The following PIP5K1B variants were observed in gnomAD, a reference collection of about 807,000 sequenced individuals.
PIP5K1B encodes phosphatidylinositol-4-phosphate 5-kinase type 1 beta.
PIP5K1B carries 42 observed loss-of-function variants against 67.0 expected under a neutral mutation model. The observed-to-expected ratio is 0.63, with a 90% CI of 0.49 to 0.81. The LOEUF (loss-of-function observed/expected upper bound fraction) is 0.81, where lower values mean the gene tolerates loss of function less well. PIP5K1B is among the 30% of genes least tolerant of loss of function. PIP5K1B has a pLI of 0.00. For missense variants in PIP5K1B, 459 were observed against 646.3 expected (o/e 0.71, Z 3.14); for synonymous variants, 214 against 231.4 (o/e 0.92, Z 0.68).
intron 15 of PIP5K1B, among the ~76,000 whole-genome samples, chr9:69,002,947 C>T (rs1183305860): frequency 2.0e-5 from 3 of 152,158 alleles, no homozygotes; most frequent in African/African-American, 4.8e-5. Context: ...CATGCTGTTG[C>T]TCTCCAGCCT....
intron 1 of PIP5K1B, chr9:68,708,130 T>A (rs773417315): frequency 6.6e-6 from 1 of 152,194 alleles, no homozygotes; most frequent in Non-Finnish European, 1.5e-5. Context: ...TAGCTTAACA[T>A]CTACAGTATA....
chr9:68,780,094 G>GTA, intron 2 of PIP5K1B: 15 of 1,337,282 alleles, frequency 1.1e-5, no homozygotes, highest in South Asian at 4.7e-5. Flanking sequence ...CAGCGGCGGC[G>GTA]GCCCTGGACT....
At chr9:68,950,397 C>A (rs1023740504) in intron 14 of PIP5K1B, among the ~76,000 whole-genome samples, 4 of 152,172 alleles carry the variant, frequency 2.6e-5, no homozygotes, top group Non-Finnish European at 5.9e-5. Context: ...ATGCAAATTT[C>A]GTCTCACCCT....
At chr9:68,872,604 T>C (rs1287882268) in intron 5 of PIP5K1B, among the ~76,000 whole-genome samples, 2 of 152,256 alleles carry the variant, frequency 1.3e-5, no homozygotes, top group African/African-American at 4.8e-5. Flanking sequence ...AGAGTTCCTT[T>C]TGTCCCTGTG....
At chr9:68,791,991 C>T (rs1358661929) in intron 2 of PIP5K1B, among the ~76,000 whole-genome samples, 1 of 152,042 alleles carries the variant, frequency 6.6e-6, no homozygotes, top group African/African-American at 2.4e-5. Context: ...CTCCTTCCTC[C>T]ACAACCCCTG....
chr9:68,891,735 A>G (rs78767459), intron 7 of PIP5K1B, among the ~76,000 whole-genome samples: 2,430 of 152,286 alleles, frequency 0.016, 62 homozygotes, highest in African/African-American at 0.053. Context: ...ATGAAAGTAA[A>G]TCAGGAATTT....
At position 68,894,385 on chromosome 9, in the gene PIP5K1B, T is replaced by C. The variant is rs920994129; in HGVS notation, c.518T>C (p.Leu173Pro). 6.2e-7 allele frequency: 1 copy of C among 1,613,644 alleles called. No individual in the cohort carries two copies. The highest frequency in any genetic ancestry group is 8.5e-7 in the Non-Finnish European group (1 of 1,179,752). The change falls in exon 8 of 16, where the codon CTG becomes CCG. Residue 173 changes from leucine to proline, a missense_variant. By Grantham distance (98) the Leu-to-Pro change is moderately conservative (BLOSUM62 -3). Transcript: ENST00000265382. ...ACTCTTTTGCCAAAATTTTACGGACTGTATTGTATGCAATCAGGAGGCATT... is the reference window on the plus strand; with the variant it reads ...ACTCTTTTGCCAAAATTTTACGGACCGTATTGTATGCAATCAGGAGGCATT... ...PRTLLPKFYG[L>P]YCMQSGGINI...
intron 14 of PIP5K1B, among the ~76,000 whole-genome samples, chr9:68,949,265 G>A (rs1459185836): frequency 1.3e-5 from 2 of 152,104 alleles, no homozygotes; most frequent in Admixed American, 6.5e-5. Flanking sequence ...GCCCTCCTTC[G>A]TGGAGCCTCT....
chr9:68,949,820 G>T (rs1312404267), intron 14 of PIP5K1B, among the ~76,000 whole-genome samples: 1 of 152,236 alleles, frequency 6.6e-6, no homozygotes, highest in Admixed American at 6.5e-5. Context: ...AAAGTGGCGT[G>T]CAGAAAACCG....
At chr9:68,824,092 T>G (rs972298176) in intron 4 of PIP5K1B, 2 of 519,000 alleles carry the variant, frequency 3.9e-6, no homozygotes, top group Non-Finnish European at 7.7e-6. Context: ...TTATTTATTT[T>G]TAGACACAAG....
chr9:68,810,575 C>G (rs1190155749), intron 2 of PIP5K1B, among the ~76,000 whole-genome samples: 1 of 152,180 alleles, frequency 6.6e-6, no homozygotes, highest in Non-Finnish European at 1.5e-5. Flanking sequence ...TAGCAATTCT[C>G]CCACTTATTT....
rs138688299 is a variant in PIP5K1B, at chr9:68,808,621, G to A, written c.-85-9840G>A. ...TGCAATGAAGGCTTGGCTTGAAAAG[G>A]CTTATGAATTCTTTTAGCACAACCT... On this transcript the variant is annotated intron_variant, in intron 2 of 15. Coordinates refer to ENST00000265382, the MANE Select transcript of PIP5K1B (RefSeq NM_003558.4). Among the ~76,000 whole-genome samples, 60 of 152,292 alleles carry A rather than the reference G, an allele frequency of 3.9e-4. 1 individual carries two copies. The East Asian group carries it at 0.011, about 28-fold the overall frequency.
intron 2 of PIP5K1B, among the ~76,000 whole-genome samples, chr9:68,747,911 A>G (rs1473397424): frequency 2.0e-5 from 3 of 152,190 alleles, no homozygotes; most frequent in Non-Finnish European, 4.4e-5. Context: ...GTATTTATTT[A>G]GGTAAAACTT....
At position 68,747,785 on chromosome 9, in the gene PIP5K1B, A is replaced by G. The variant is rs190911698; in HGVS notation, c.-86+5128A>G. On this transcript the variant is annotated intron_variant, in intron 2 of 15. Coordinates refer to ENST00000265382, the MANE Select transcript of PIP5K1B (RefSeq NM_003558.4). ...CAGTCCAGGGTCATATAAAATCATA[A>G]TATCTTAGCTAGAAGCCACTCCTCT... Among the ~76,000 whole-genome samples the G allele has an allele frequency of 1.7e-3, 259 of 152,270 alleles. 3 individuals carry two copies. Among genetic ancestry groups the G allele is most frequent in the Non-Finnish European group, 1.2e-3 (82 of 68,006 alleles).
chr9:68,874,267 A>G (rs1271410104), intron 5 of PIP5K1B, among the ~76,000 whole-genome samples: 1 of 152,246 alleles, frequency 6.6e-6, no homozygotes, highest in Admixed American at 6.5e-5. Context: ...AATATGGCCC[A>G]AAGATAGCTA....
At chr9:68,914,504 G>A (rs539702315) in intron 8 of PIP5K1B, among the ~76,000 whole-genome samples, 2 of 152,072 alleles carry the variant, frequency 1.3e-5, no homozygotes, top group East Asian at 3.9e-4. Flanking sequence ...TCACGAGGTC[G>A]GGAGATTGAG....
intron 8 of PIP5K1B, among the ~76,000 whole-genome samples, chr9:68,907,916 C>G (rs1825692391): frequency 6.6e-6 from 1 of 152,208 alleles, no homozygotes; most frequent in African/African-American, 2.4e-5. Flanking sequence ...TTCTTCTTCT[C>G]TTTCTTTGTC....
At chr9:68,948,645 CA>C (rs35143149) in intron 14 of PIP5K1B, among the ~76,000 whole-genome samples, 1 of 144,222 alleles carries the variant, frequency 6.9e-6, no homozygotes. Context: ...GACCTTGCCT[CA>C]AAAAAAAAAA....
intron 14 of PIP5K1B, among the ~76,000 whole-genome samples, chr9:68,950,573 C>G (rs76629648): frequency 0.022 from 3,342 of 152,258 alleles, 56 homozygotes; most frequent in Middle Eastern, 0.037. Flanking sequence ...GTGTTGTGTA[C>G]AAAGTAGTGT....
Sources: allele counts gnomAD v4.1 joint callset (sites outside exome capture counted in the v4.1 genomes callset), GRCh38; gene constraint gnomAD v4.1.1; transcripts MANE v1.5; gene names NCBI Gene and HGNC (gene_info 2026-07-23, HGNC 2026-07-21).